SLC35D4: variants seen among roughly 807,000 people sequenced by gnomAD.
SLC35D4 encodes the protein UDP-N-acetylglucosamine transporter SLC35D4.
chr18:23,324,037 C>A, the SLC35D4 span, among the ~76,000 whole-genome samples: 32 of 149,318 alleles, frequency 2.1e-4, no homozygotes, highest in South Asian at 8.6e-4. Context: ...GAACCGAGAT[C>A]ACACCACCGC....
chr18:23,309,931 G>A, the SLC35D4 span, among the ~76,000 whole-genome samples: 23 of 152,194 alleles, frequency 1.5e-4, no homozygotes, highest in Non-Finnish European at 2.6e-4. Flanking sequence ...GTGCCTCTGA[G>A]CCAAGCATTT....
the SLC35D4 span, among the ~76,000 whole-genome samples, chr18:23,403,014 G>A: frequency 5.9e-5 from 9 of 152,258 alleles, no homozygotes; most frequent in East Asian, 1.7e-3. Context: ...GCTGAGGCAG[G>A]AGAATCACTT....
At chr18:23,325,393 A>G in the SLC35D4 span, among the ~76,000 whole-genome samples, 1 of 152,018 alleles carries the variant, frequency 6.6e-6, no homozygotes, top group South Asian at 2.1e-4. Context: ...CCAAGGAGAG[A>G]AAGGCAGAGG....
At chr18:23,369,182 T>C in the SLC35D4 span, among the ~76,000 whole-genome samples, 1 of 152,264 alleles carries the variant, frequency 6.6e-6, no homozygotes, top group East Asian at 1.9e-4. Context: ...CTGTATTTTA[T>C]CTGGCAACTC....
At chr18:23,253,763 G>C in the SLC35D4 span, 9 of 1,614,082 alleles carry the variant, frequency 5.6e-6, no homozygotes, top group Non-Finnish European at 7.6e-6. Context: ...TGCGCAGGAG[G>C]ACTGTGGCCT....
the SLC35D4 span, among the ~76,000 whole-genome samples, chr18:23,346,954 T>C: frequency 1.3e-5 from 2 of 152,246 alleles, no homozygotes; most frequent in African/African-American, 4.8e-5. Context: ...GTCCCTGTGT[T>C]CATGAGGAAT....
At chr18:23,245,945 C>T in the SLC35D4 span, among the ~76,000 whole-genome samples, 3 of 152,218 alleles carry the variant, frequency 2.0e-5, no homozygotes, top group Admixed American at 6.5e-5. Flanking sequence ...TCTGGTGAAT[C>T]CCATGGCCTG....
the SLC35D4 span, among the ~76,000 whole-genome samples, chr18:23,433,781 T>C: frequency 2.0e-5 from 3 of 151,940 alleles, no homozygotes; most frequent in African/African-American, 7.3e-5. Flanking sequence ...GGAGAACTGC[T>C]GAAGGAGAAA....
At chr18:23,246,665 ATATG>A in the SLC35D4 span, among the ~76,000 whole-genome samples, 1 of 151,462 alleles carries the variant, frequency 6.6e-6, no homozygotes, top group Non-Finnish European at 1.5e-5. Flanking sequence ...TGCTGGGATT[ATATG>A]CTTGAGCCAC....
At chr18:23,309,527 T>C in the SLC35D4 span, among the ~76,000 whole-genome samples, 1 of 152,150 alleles carries the variant, frequency 6.6e-6, no homozygotes, top group African/African-American at 2.4e-5. Flanking sequence ...TTTTTTTTTT[T>C]TAAAGAAAGC....
At chr18:23,426,073 T>C in the SLC35D4 span, among the ~76,000 whole-genome samples, 1 of 152,142 alleles carries the variant, frequency 6.6e-6, no homozygotes, top group South Asian at 2.1e-4. Context: ...TTCCTCACAT[T>C]GCACCATACA....
chr18:23,429,319 T>C, the SLC35D4 span, among the ~76,000 whole-genome samples: 1 of 152,150 alleles, frequency 6.6e-6, no homozygotes, highest in African/African-American at 2.4e-5. Context: ...CAACAGTGTA[T>C]AAACGTTTCC....
the SLC35D4 span, among the ~76,000 whole-genome samples, chr18:23,293,250 T>C: frequency 6.6e-6 from 1 of 151,798 alleles, no homozygotes; most frequent in Admixed American, 6.6e-5. Context: ...ATCTCAAAAA[T>C]AAATGAATGA....
the SLC35D4 span, among the ~76,000 whole-genome samples, chr18:23,337,140 C>T: frequency 1.3e-5 from 2 of 149,832 alleles, no homozygotes; most frequent in South Asian, 4.3e-4. Context: ...TTGAAACTTC[C>T]CTACAAATGT....
the SLC35D4 span, among the ~76,000 whole-genome samples, chr18:23,367,725 A>T: frequency 1.5e-4 from 22 of 151,328 alleles, no homozygotes; most frequent in Non-Finnish European, 1.6e-4. Context: ...TGGTGGGACT[A>T]TGTTTGAAGA....
the SLC35D4 span, among the ~76,000 whole-genome samples, chr18:23,372,411 ACTC>A: frequency 7.9e-5 from 12 of 151,838 alleles, 1 homozygote; most frequent in Admixed American, 3.9e-4. Flanking sequence ...CTCCTGGCTA[ACTC>A]CTCCTCATTC....
chr18:23,328,670 C>A, the SLC35D4 span, among the ~76,000 whole-genome samples: 1 of 152,160 alleles, frequency 6.6e-6, no homozygotes. Flanking sequence ...CATCAAGCTA[C>A]CAATGACTTT....
the SLC35D4 span, among the ~76,000 whole-genome samples, chr18:23,334,880 C>T: frequency 6.6e-6 from 1 of 152,152 alleles, no homozygotes; most frequent in South Asian, 2.1e-4. Context: ...GTGGCACGGG[C>T]CTGTAGTCCC....
chr18:23,249,554 G>A, the SLC35D4 span, among the ~76,000 whole-genome samples: 30 of 152,338 alleles, frequency 2.0e-4, no homozygotes, highest in Admixed American at 1.4e-3. Flanking sequence ...GACTTGCTGC[G>A]TCTCCTGCTT....
Sources: allele counts gnomAD v4.1 joint callset (sites outside exome capture counted in the v4.1 genomes callset), GRCh38; gene constraint gnomAD v4.1.1; transcripts MANE v1.5; gene names NCBI Gene and HGNC (gene_info 2026-07-23, HGNC 2026-07-21).